Variants in SPATA32 observed in about 807,000 individuals in gnomAD.
SPATA32 encodes the protein spermatogenesis-associated protein 32.
A neutral mutation model predicts 35.4 loss-of-function variants in SPATA32; 28 were observed. That is an observed-to-expected ratio of 0.79 (90% CI 0.59 to 1.09). The LOEUF is 1.09. Among genes scored for constraint, SPATA32 ranks in the 50% least tolerant of loss-of-function variants. The pLI is 0.00. For synonymous variants in SPATA32, 168 were observed against 196.3 expected (o/e 0.86, Z 1.20); for missense variants, 409 against 475.9 (o/e 0.86, Z 1.31).
intron 1 of SPATA32, among the ~76,000 whole-genome samples, chr17:45,259,494 A>G (rs754053214): frequency 6.6e-6 from 1 of 152,102 alleles, no homozygotes; most frequent in Admixed American, 6.6e-5. Flanking sequence ...TTTGAGTGAT[A>G]ATTCTTTTAT....
chr17:45,255,452 A>T lies in SPATA32; in HGVS notation c.730T>A (p.Phe244Ile). The change falls in exon 4 of 5, where the codon TTT becomes ATT. Residue 244 changes from phenylalanine to isoleucine, a missense_variant. Physicochemically the swap from Phe to Ile is conservative, Grantham distance 21. Transcript: ENST00000331780. The surrounding 1 kb of genome is among the most constrained non-coding windows in gnomAD (Gnocchi z 5.4). The stretch of plus-strand genomic sequence containing the variant: ...GAGGCCATGGCCAGGGAAGATGCAA[A>T]GGTGATTAGCTCTGTCAGGTCAATG... ...PPIDLTELIT[F>I]ASSLAMASSS... The T allele has an allele frequency of 6.2e-7, 1 of 1,614,082 alleles. No individual in the cohort carries two copies.
At chr17:45,259,337 G>GT (rs2143732254) in intron 1 of SPATA32, among the ~76,000 whole-genome samples, 1 of 152,142 alleles carries the variant, frequency 6.6e-6, no homozygotes, top group Admixed American at 6.5e-5. Context: ...AGATTGCTTA[G>GT]TTTTAATTAG....
At position 45,255,987 on chromosome 17, in the gene SPATA32, C is replaced by T. The variant is rs748355864; in HGVS notation, c.195G>A (p.Glu65=). 9.9e-6 allele frequency: 16 copies of T among 1,614,110 alleles called. No individual in the cohort carries two copies. The East Asian group carries it at 2.7e-4, about 27-fold the overall frequency. ...CCAGTAAAGCCGGCACCTGTCCGAT[C>T]TCCAGTTCTGGGTCTGGGTCTGGGT... ...DPDPDPDPEL[E]IGQVPALLES... The change falls in exon 4 of 5, where the codon GAG becomes GAA. Residue 65 remains glutamate (E), a synonymous_variant. Transcript: ENST00000331780. This position sits in a 1 kb window ranked among gnomAD's most constrained non-coding sequence, Gnocchi z 5.4.
At chr17:45,261,834 C>T (rs1051913441) in intron 1 of SPATA32, 170 bp downstream of exon 1, 10 of 652,908 alleles carry the variant, frequency 1.5e-5, no homozygotes, top group Non-Finnish European at 2.2e-5. Context: ...TCAGGGGCAC[C>T]GGGTGGGCTT....
chr17:45,257,230 G>A (rs539207785), intron 1 of SPATA32, 23 bp from the exon 2 acceptor site: 128 of 1,600,802 alleles, frequency 8.0e-5, no homozygotes, highest in Middle Eastern at 1.7e-4. Flanking sequence ...AGGAGGTGAG[G>A]GCAGGGAGCT....
rs749006493 is a variant in SPATA32, at chr17:45,255,527, T to G, written c.655A>C (p.Thr219Pro). The change falls in exon 4 of 5, where the codon ACA (threonine) becomes CCA (proline). Residue 219 changes from threonine (T) to proline (P), a missense_variant. By Grantham distance (38) the Thr-to-Pro change is conservative. Transcript: ENST00000331780. This position sits in a 1 kb window ranked among gnomAD's most constrained non-coding sequence, Gnocchi z 5.4. Reference sequence around the variant, plus strand: ...AGGGGGCTTGGTGCCTGGGAGCTTGTGGTTGGAGGAGCTGAGTGGGCATCA... The same window carrying G: ...AGGGGGCTTGGTGCCTGGGAGCTTGGGGTTGGAGGAGCTGAGTGGGCATCA... The part of the protein sequence containing the change: ...IPDAHSAPPT[T>P]SSQAPSPLLS... 7 of 1,613,900 alleles carry G rather than the reference T, an allele frequency of 4.3e-6. No homozygotes were observed. Among genetic ancestry groups the G allele is most frequent in the Non-Finnish European group, 5.9e-6 (7 of 1,179,954 alleles).
chr17:45,254,850 T>C (rs1019147375), intron 4 of SPATA32, among the ~76,000 whole-genome samples: 4 of 152,162 alleles, frequency 2.6e-5, no homozygotes, highest in African/African-American at 9.7e-5. Flanking sequence ...AGTGTGGTCC[T>C]TCCCATTTTG....
intron 4 of SPATA32, 96 bp from the exon 5 acceptor site, chr17:45,254,609 A>G: frequency 9.3e-7 from 1 of 1,075,284 alleles, no homozygotes; most frequent in Non-Finnish European, 1.4e-6. Flanking sequence ...CGCTGGGGGT[A>G]AGGGGTCTTC....
In SPATA32 at chr17:45,256,130, G is replaced by A. The variant is rs1270783291; in HGVS notation, c.109-57C>T. Reference sequence around the variant, plus strand: ...AGGAGCGGGAGGTCCTGCCCCTGAGGCCCTCCCTGGCACCGAGTCCCTGCC... The same window carrying A: ...AGGAGCGGGAGGTCCTGCCCCTGAGACCCTCCCTGGCACCGAGTCCCTGCC... On this transcript the variant is annotated intron_variant, in intron 3 of 4. Transcript: ENST00000331780. The surrounding 1 kb of genome is among the most constrained non-coding windows in gnomAD (Gnocchi z 4.7). 2.6e-6 allele frequency: 4 copies of A among 1,541,922 alleles called. No homozygotes were observed. Among genetic ancestry groups the A allele is most frequent in the Admixed American group, 3.9e-5 (2 of 51,432 alleles).
At chr17:45,254,838 C>A (rs1292276162) in intron 4 of SPATA32, among the ~76,000 whole-genome samples, 1 of 152,210 alleles carries the variant, frequency 6.6e-6, no homozygotes, top group African/African-American at 2.4e-5. Flanking sequence ...CCGCCTAATG[C>A]CAGTGTGGTC....
chr17:45,255,790 G>A lies in SPATA32; in HGVS notation c.392C>T (p.Ser131Leu). The part of the protein sequence containing the change: ...PQTFRPWSLN[S>L]NCRSFTEENH... ...CTCCTCCGTGAAACTCCGGCAGTTTGAATTCAGACTCCACGGTCTGAAGGT... is the reference window on the plus strand; with the variant it reads ...CTCCTCCGTGAAACTCCGGCAGTTTAAATTCAGACTCCACGGTCTGAAGGT... Residue 131 changes from serine (S) to leucine (L), a missense_variant, in exon 4 of 5, where the codon TCA (serine) becomes TTA (leucine). Ser to Leu is a moderately radical substitution (Grantham distance 145, BLOSUM62 -2). Coordinates refer to ENST00000331780, the MANE Select transcript of SPATA32 (RefSeq NM_152343.3). This position sits in a 1 kb window ranked among gnomAD's most constrained non-coding sequence, Gnocchi z 5.4. 6.2e-7 allele frequency: 1 copy of A among 1,614,040 alleles called. No homozygotes were observed. Among genetic ancestry groups the A allele is most frequent in the Non-Finnish European group, 8.5e-7 (1 of 1,179,936 alleles).
chr17:45,255,111 T>A lies in SPATA32; in HGVS notation c.1067+4A>T. ...ATGGGAGCTGCGGGGCTGGCCTCAC[T>A]CACTCTTCCTTGCTTCCCTGCAGCA... is the stretch of plus-strand genomic sequence containing the variant. On this transcript the variant is annotated splice_donor_region_variant and intron_variant, in intron 4 of 4. Coordinates refer to ENST00000331780, the MANE Select transcript of SPATA32 (RefSeq NM_152343.3). The surrounding 1 kb of genome is among the most constrained non-coding windows in gnomAD (Gnocchi z 5.4). 1 of 1,613,838 alleles carries A rather than the reference T, an allele frequency of 6.2e-7. No individual in the cohort carries two copies. The highest frequency in any genetic ancestry group is 8.5e-7 in the Non-Finnish European group (1 of 1,179,784).
Position 45,262,013 on chromosome 17 carries a change from C to T in SPATA32, c.4G>A (p.Gly2Arg). The T allele has an allele frequency of 7.6e-7, 1 of 1,312,702 alleles. No individual in the cohort carries two copies. Among genetic ancestry groups the T allele is most frequent in the Non-Finnish European group, 9.8e-7 (1 of 1,021,984 alleles). 81.3% of individuals were successfully genotyped at this position (1,312,702 alleles called of 1,614,324 possible). A position where few individuals can be genotyped will look rare whatever the true frequency, so the allele number is the denominator to read the frequency against. The change falls in exon 1 of 5, where the codon GGG (glycine) becomes AGG (arginine). Residue 2 changes from glycine (G) to arginine (R), a missense_variant. Physicochemically the swap from Gly to Arg is moderately radical, Grantham distance 125 (BLOSUM62 -2). Transcript: ENST00000331780. ...GCTCGGCCGCTCCCACCTGTCACCC[C>T]CATGCAGACCGAGGCTCTGTCCTGG... M[G>R]VTGAHGFPCC...
At chr17:45,258,924 C>G (rs1028136766) in intron 1 of SPATA32, among the ~76,000 whole-genome samples, 2 of 152,216 alleles carry the variant, frequency 1.3e-5, no homozygotes, top group Non-Finnish European at 2.9e-5. Context: ...GCATGAGCCA[C>G]CGTGCCTGGC....
At chr17:45,254,586 C>A in intron 4 of SPATA32, 73 bp from the exon 5 acceptor site, 1 of 1,432,560 alleles carries the variant, frequency 7.0e-7, no homozygotes, top group South Asian at 1.1e-5. Context: ...CCCAGAGGCC[C>A]CTCTGAAGAG....
chr17:45,261,354 G>T (rs2044006054), intron 1 of SPATA32, among the ~76,000 whole-genome samples: 1 of 152,118 alleles, frequency 6.6e-6, no homozygotes, highest in Non-Finnish European at 1.5e-5. Context: ...CGAAGTGTTG[G>T]GATTGCAGGC....
chr17:45,254,497 T>C lies in SPATA32; in HGVS notation c.1084A>G (p.Lys362Glu). 9 of 1,614,092 alleles carry C rather than the reference T, an allele frequency of 5.6e-6. No homozygotes were observed. Among genetic ancestry groups the C allele is most frequent in the Non-Finnish European group, 7.6e-6 (9 of 1,179,988 alleles). Reference protein sequence around the residue: ...GSKEDSVPPGKEKENPLLVKI... With the variant: ...GSKEDSVPPGEEKENPLLVKI... ...ACCAATAATGGATTCTCTTTCTCTTTTCCTGGCGGCACTGAGCTGCAACAC... is the reference window on the plus strand; with the variant it reads ...ACCAATAATGGATTCTCTTTCTCTTCTCCTGGCGGCACTGAGCTGCAACAC... Residue 362 changes from lysine to glutamate, a missense_variant, in exon 5 of 5, where the codon AAA becomes GAA. Lys to Glu is a moderately conservative substitution (Grantham distance 56). Transcript: ENST00000331780.
chr17:45,255,859 T>G lies in SPATA32; in HGVS notation c.323A>C (p.Lys108Thr). 6.2e-7 allele frequency: 1 copy of G among 1,614,218 alleles called. No homozygotes were observed. The highest frequency in any genetic ancestry group is 8.5e-7 in the Non-Finnish European group (1 of 1,180,040). Reference protein sequence around the residue: ...DFEEPMQLVCKIESVHSNMGL... With the variant: ...DFEEPMQLVCTIESVHSNMGL... ...CATGTTGGAGTGGACGGACTCTATC[T>G]TGCATACCAGCTGCATGGGTTCTTC... The change falls in exon 4 of 5, where the codon AAG becomes ACG. Residue 108 changes from lysine to threonine, a missense_variant. By Grantham distance (78) the Lys-to-Thr change is moderately conservative (BLOSUM62 -1). Coordinates refer to ENST00000331780, the MANE Select transcript of SPATA32 (RefSeq NM_152343.3). This position sits in a 1 kb window ranked among gnomAD's most constrained non-coding sequence, Gnocchi z 5.4.
In SPATA32 at chr17:45,257,357, C is replaced by T. The variant is rs1049001655; in HGVS notation, c.14-150G>A. The T allele has an allele frequency of 1.8e-5, 16 of 865,096 alleles. No individual in the cohort carries two copies. The Middle Eastern group carries it at 9.6e-4, about 52-fold the overall frequency. The allele number at this position is 865,096 out of a possible 1,614,324, so 53.6% of individuals were successfully genotyped here. On this transcript the variant is annotated intron_variant, in intron 1 of 4. Coordinates refer to ENST00000331780, the MANE Select transcript of SPATA32 (RefSeq NM_152343.3). ...CGTCCTGCCCCGCTCTCCTTGTTCCCGAGCCGGTCGCCATTCCTATCCTCC... is the reference window on the plus strand; with the variant it reads ...CGTCCTGCCCCGCTCTCCTTGTTCCTGAGCCGGTCGCCATTCCTATCCTCC...
Sources: allele counts gnomAD v4.1 joint callset (sites outside exome capture counted in the v4.1 genomes callset), GRCh38; gene constraint gnomAD v4.1.1; non-coding constraint Gnocchi (gnomAD v3.1); transcripts MANE v1.5; gene names NCBI Gene and HGNC (gene_info 2026-07-23, HGNC 2026-07-21).